SEMA5B: variants seen among roughly 807,000 people sequenced by gnomAD.
SEMA5B encodes semaphorin 5B, also known as semaphorin-5B.
In SEMA5B, 66 loss-of-function variants were observed where a neutral mutation model predicts 135.0. The observed-to-expected ratio is 0.49, with a 90% CI of 0.40 to 0.60. The LOEUF (loss-of-function observed/expected upper bound fraction) is 0.60. SEMA5B is among the 20% of genes least tolerant of loss of function. SEMA5B has a pLI of 0.00. For missense variants in SEMA5B, 1,501 were observed against 1,566.3 expected, an observed-to-expected ratio of 0.96 and a Z score of 0.70; for synonymous variants, 690 against 639.5, an observed-to-expected ratio of 1.08 and a Z score of -1.19.
chr3:122,992,723 AC>A (rs996637883), intron 1 of SEMA5B: 1 of 152,278 alleles, frequency 6.6e-6, no homozygotes, highest in Admixed American at 6.5e-5. Context: ...GAGCTGGTCC[AC>A]TGTGACTCGC....
At chr3:123,012,472 G>A (rs576797406) in intron 1 of SEMA5B, among the ~76,000 whole-genome samples, 11 of 152,226 alleles carry the variant, frequency 7.2e-5, no homozygotes, top group African/African-American at 1.9e-4. Flanking sequence ...TGGCCCCTCC[G>A]TCCCTACCCC....
chr3:122,988,998 G>C (rs1363089540), intron 1 of SEMA5B, among the ~76,000 whole-genome samples: 1 of 152,212 alleles, frequency 6.6e-6, no homozygotes, highest in Admixed American at 6.5e-5. Context: ...CCACCTGCTG[G>C]GGAGGGCCAG....
At chr3:122,915,356 A>G (rs1576329967) in intron 14 of SEMA5B, 84 bp downstream of exon 14, 1 of 1,376,196 alleles carries the variant, frequency 7.3e-7, no homozygotes, top group East Asian at 2.3e-5. Context: ...CTTAGTGCAA[A>G]CACCCAAGTG....
rs747963518 is a variant in SEMA5B at position 122,926,502 on chromosome 3, G to A, written c.1026C>T (p.Ala342=). Residue 342 remains alanine (A), a synonymous_variant, in exon 9 of 23, where the codon GCC becomes GCT. Transcript: ENST00000357599. ...CGCCCGGGCGGGAGCAGTTGAGCCG[G>A]GCCTTCATGAATGTGGTCCATGTGT... ...LEDTWTTFMK[A]RLNCSRPGEV... is the part of the protein sequence containing the mutation. 1.2e-6 allele frequency: 2 copies of A among 1,614,222 alleles called. No homozygotes were observed. The highest frequency in any genetic ancestry group is 1.7e-6 in the Non-Finnish European group (2 of 1,180,044).
chr3:123,025,178 G>A (rs116824377), intron 1 of SEMA5B, among the ~76,000 whole-genome samples: 1 of 152,186 alleles, frequency 6.6e-6, no homozygotes, highest in Non-Finnish European at 1.5e-5. Context: ...AAGTGGTAAA[G>A]GAACTTTTTC....
intron 14 of SEMA5B, 151 bp from the exon 15 acceptor site, chr3:122,914,152 G>A: frequency 1.3e-6 from 1 of 788,130 alleles, no homozygotes; most frequent in Admixed American, 3.5e-5. Context: ...GTCATCTCAG[G>A]CAGACTCGCT....
chr3:122,984,577 C>T (rs1316674581), intron 1 of SEMA5B, among the ~76,000 whole-genome samples: 3 of 152,152 alleles, frequency 2.0e-5, no homozygotes, highest in African/African-American at 4.8e-5. Context: ...GGGCACATCA[C>T]AAATAGTTTT....
rs11707753 is a variant in SEMA5B at position 122,934,472 on chromosome 3, A to G, written c.474+4953T>C. Among the ~76,000 whole-genome samples, 638 of 152,350 alleles carry G rather than the reference A, an allele frequency of 4.2e-3. 2 individuals are homozygous for G. The highest frequency in any genetic ancestry group is 7.2e-3 in the Non-Finnish European group (490 of 68,032). Reference sequence around the variant, plus strand: ...GTTCAGTCATGCCACCTGCATTACAATCAGCAAAATCCAGGCTGTGGGAAA... The same window carrying G: ...GTTCAGTCATGCCACCTGCATTACAGTCAGCAAAATCCAGGCTGTGGGAAA... On this transcript the variant is annotated intron_variant, in intron 5 of 22. Coordinates refer to ENST00000357599, the MANE Select transcript of SEMA5B (RefSeq NM_001031702.4).
At chr3:122,967,034 G>A (rs751650047) in intron 1 of SEMA5B, among the ~76,000 whole-genome samples, 49 of 151,746 alleles carry the variant, frequency 3.2e-4, no homozygotes, top group Middle Eastern at 3.4e-3. Flanking sequence ...GCAGGCGCCC[G>A]CCACCACATC....
chr3:122,947,479 C>A (rs756123114), intron 3 of SEMA5B, among the ~76,000 whole-genome samples: 1 of 152,104 alleles, frequency 6.6e-6, no homozygotes, highest in African/African-American at 2.4e-5. Flanking sequence ...CATCTTACCC[C>A]ACCCACTCCT....
At chr3:122,998,007 C>T (rs557387733) in intron 1 of SEMA5B, among the ~76,000 whole-genome samples, 2 of 152,342 alleles carry the variant, frequency 1.3e-5, no homozygotes, top group South Asian at 2.1e-4. Flanking sequence ...CACTGCCCGA[C>T]GACCGCCATG....
intron 1 of SEMA5B, among the ~76,000 whole-genome samples, chr3:123,016,945 G>A (rs1945686370): frequency 6.9e-6 from 1 of 144,064 alleles, no homozygotes; most frequent in Non-Finnish European, 1.5e-5. Flanking sequence ...AGGCTGAAGT[G>A]CAGTGGCGCG....
intron 1 of SEMA5B, among the ~76,000 whole-genome samples, chr3:122,987,663 T>A (rs1400034095): frequency 6.6e-6 from 1 of 152,150 alleles, no homozygotes. Context: ...GGCCATGGTG[T>A]GTGCTATGGA....
chr3:122,950,185 C>T (rs1939981346), intron 2 of SEMA5B, among the ~76,000 whole-genome samples: 2 of 152,204 alleles, frequency 1.3e-5, no homozygotes, highest in South Asian at 2.1e-4. Context: ...CTTATCCTCA[C>T]TCATAACAAG....
chr3:122,931,279 G>C (rs1461584754), intron 5 of SEMA5B, among the ~76,000 whole-genome samples: 1 of 151,944 alleles, frequency 6.6e-6, no homozygotes, highest in Non-Finnish European at 1.5e-5. Flanking sequence ...TGTTACAGAG[G>C]TGAAGATTTT....
In SEMA5B at chr3:122,921,902, C is replaced by T. The variant is rs116510064; in HGVS notation, c.1688+13G>A. ...GCAGTGGAGGCCTCGGGAGCCGCCCCGTCCCGGCTTACCCCTGGCTGCGGT... is the reference window on the plus strand; with the variant it reads ...GCAGTGGAGGCCTCGGGAGCCGCCCTGTCCCGGCTTACCCCTGGCTGCGGT... On this transcript the variant is annotated intron_variant, in intron 12 of 22. Transcript: ENST00000357599. The T allele has an allele frequency of 2.6e-6, 4 of 1,526,532 alleles. No individual in the cohort carries two copies. Among genetic ancestry groups the T allele is most frequent in the South Asian group, 2.4e-5 (2 of 83,028 alleles). The allele number at this position is 1,526,532 out of a possible 1,614,324, so 94.6% of individuals were successfully genotyped here. A position where few individuals can be genotyped will look rare whatever the true frequency, so the allele number is the denominator to read the frequency against.
In SEMA5B at chr3:122,912,195, A is replaced by T. The variant is rs762456919; in HGVS notation, c.2873T>A (p.Leu958Gln). 8.1e-6 allele frequency: 13 copies of T among 1,597,356 alleles called. No individual in the cohort carries two copies. Among genetic ancestry groups the T allele is most frequent in the Middle Eastern group, 3.3e-4 (2 of 6,000 alleles). ...ICLGLHTEEA[L>Q]CATQACPEGW... ...ACCTGGGCAGGCCTGTGTGGCACAT[A>T]GTGCCTCCTCCGTGTGCAGCCCGAG... is the stretch of plus-strand genomic sequence containing the variant. The change falls in exon 19 of 23, where the codon CTA (leucine) becomes CAA (glutamine). Residue 958 changes from leucine (L) to glutamine (Q), a missense_variant. By Grantham distance (113) the Leu-to-Gln change is moderately radical. Transcript: ENST00000357599.
chr3:122,999,160 C>T (rs1942103603), intron 1 of SEMA5B, among the ~76,000 whole-genome samples: 1 of 152,134 alleles, frequency 6.6e-6, no homozygotes, highest in Non-Finnish European at 1.5e-5. Flanking sequence ...TTTCATTTCC[C>T]AAAGCAGTAA....
chr3:122,921,891 G>C (rs1472821592), intron 12 of SEMA5B, 24 bp downstream of exon 12: 9 of 1,519,628 alleles, frequency 5.9e-6, no homozygotes, highest in Non-Finnish European at 7.9e-6. Context: ...TGGAGGCCTC[G>C]GGAGCCGCCC....
Sources: allele counts gnomAD v4.1 joint callset (sites outside exome capture counted in the v4.1 genomes callset), GRCh38; gene constraint gnomAD v4.1.1; transcripts MANE v1.5; gene names NCBI Gene and HGNC (gene_info 2026-07-23, HGNC 2026-07-21).